Variants in RYR2 observed in about 807,000 individuals in gnomAD.
RYR2 encodes the protein ryanodine receptor 2.
Under a neutral mutation model 601.1 loss-of-function variants are expected in RYR2, and 227 were observed. The ratio of observed to expected loss-of-function variants is 0.38; its 90% CI spans 0.34 to 0.42. The LOEUF is 0.42. Among genes scored for constraint, RYR2 ranks in the 10% least tolerant of loss-of-function variants. RYR2 has a pLI of 1.00. For missense variants in RYR2, 4,646 were observed against 6,156.5 expected (o/e 0.75, Z 8.21); for synonymous variants, 2,223 against 2,175.1 (o/e 1.02, Z -0.61).
intron 1 of RYR2, among the ~76,000 whole-genome samples, chr1:237,111,415 C>G (rs1669452063): frequency 6.6e-6 from 1 of 152,110 alleles, no homozygotes; most frequent in South Asian, 2.1e-4. Flanking sequence ...TGGCGAAACC[C>G]TGTCTCTACC....
chr1:237,165,135 T>C (rs2148879466), intron 1 of RYR2, among the ~76,000 whole-genome samples: 1 of 152,200 alleles, frequency 6.6e-6, no homozygotes, highest in Non-Finnish European at 1.5e-5. Flanking sequence ...TAATTTTTTT[T>C]TTTGTAGAGA....
intron 1 of RYR2, among the ~76,000 whole-genome samples, chr1:237,123,700 G>A (rs914791266): frequency 8.6e-5 from 10 of 116,006 alleles, no homozygotes; most frequent in Admixed American, 1.3e-4. Flanking sequence ...TCGCTCTGTC[G>A]CCCAGGCCGG....
At chr1:237,140,038 T>A (rs1673215960) in intron 1 of RYR2, among the ~76,000 whole-genome samples, 2 of 152,206 alleles carry the variant, frequency 1.3e-5, no homozygotes, top group African/African-American at 4.8e-5. Context: ...CACATTTGAA[T>A]GTGTATGTTT....
chr1:237,447,464 T>C (rs766789987), intron 14 of RYR2, among the ~76,000 whole-genome samples: 5 of 152,228 alleles, frequency 3.3e-5, no homozygotes, highest in Non-Finnish European at 7.3e-5. Context: ...CACTTTCTGC[T>C]TTATTAAATC....
Position 237,660,024 on chromosome 1 carries a change from T to C in RYR2, c.8248T>C (p.Ser2750Pro), listed in dbSNP as rs547987180. ...GATTTATGGAGAAATATATTCAGAC[T>C]CTTCTAAGGTTCAGCCATTAATGAA... ...GWIYGEIYSD[S>P]SKVQPLMKPY... Residue 2750 changes from serine (S) to proline (P), a missense_variant, in exon 55 of 105, where the codon TCT (serine) becomes CCT (proline). Transcript: ENST00000366574. The C allele has an allele frequency of 6.3e-7, 1 of 1,588,984 alleles. No homozygotes were observed. Among genetic ancestry groups the C allele is most frequent in the Non-Finnish European group, 8.5e-7 (1 of 1,170,896 alleles).
chr1:237,188,453 G>A (rs1003975124), intron 1 of RYR2, among the ~76,000 whole-genome samples: 2 of 152,152 alleles, frequency 1.3e-5, no homozygotes, highest in Non-Finnish European at 2.9e-5. Context: ...TATAGAAAAT[G>A]GGGATAATAA....
At chr1:237,051,879 A>G (rs1661326246) in intron 1 of RYR2, among the ~76,000 whole-genome samples, 1 of 152,096 alleles carries the variant, frequency 6.6e-6, no homozygotes, top group Admixed American at 6.6e-5. Flanking sequence ...GGAGATGGAC[A>G]TATTTTAAAA....
chr1:237,308,546 GGTGA>G lies in RYR2; in HGVS notation c.169-22328_169-22325del, dbSNP rs201488727. On this transcript the variant is annotated intron_variant, in intron 2 of 104. Transcript: ENST00000366574. Reference sequence around the variant, plus strand: ...CAAGAATGAAGCCGCGGACCCTTGCGGTGAGTGTTACAGTTCTTAAAGGTGGTGT... The same window carrying G: ...CAAGAATGAAGCCGCGGACCCTTGCGGTGTTACAGTTCTTAAAGGTGGTGT... Among the ~76,000 whole-genome samples, 1,218 of 152,236 alleles carry G rather than the reference GGTGA, an allele frequency of 8.0e-3. 16 individuals carry two copies. The highest frequency in any genetic ancestry group is 0.027 in the African/African-American group (1,136 of 41,534).
At chr1:237,104,309 G>A (rs1257478834) in intron 1 of RYR2, among the ~76,000 whole-genome samples, 2 of 152,070 alleles carry the variant, frequency 1.3e-5, no homozygotes, top group Non-Finnish European at 2.9e-5. Context: ...CCTTTCATTA[G>A]GGCCCTGCCA....
At chr1:237,540,766 A>G (rs992254358) in intron 25 of RYR2, among the ~76,000 whole-genome samples, 6 of 151,812 alleles carry the variant, frequency 4.0e-5, no homozygotes, top group African/African-American at 1.5e-4. Flanking sequence ...TTCTAAAACT[A>G]CTGCTAGGTT....
intron 4 of RYR2, among the ~76,000 whole-genome samples, chr1:237,357,708 A>G (rs1699420828): frequency 6.6e-6 from 1 of 152,186 alleles, no homozygotes; most frequent in African/African-American, 2.4e-5. Flanking sequence ...TTTCTGAGCT[A>G]AAAACCTTGA....
At chr1:237,380,779 A>G (rs1701439261) in intron 8 of RYR2, among the ~76,000 whole-genome samples, 1 of 151,680 alleles carries the variant, frequency 6.6e-6, no homozygotes, top group Non-Finnish European at 1.5e-5. Flanking sequence ...TGTCTCTACT[A>G]AAAAATACAA....
chr1:237,059,230 G>A (rs9428652), intron 1 of RYR2, among the ~76,000 whole-genome samples: 149,808 of 152,276 alleles, frequency 0.98, 73,724 homozygotes, highest in Middle Eastern at 1. Context: ...ATGCCTTACT[G>A]GGATACAGAA....
At chr1:237,640,350 G>T (rs920024949) in intron 46 of RYR2, among the ~76,000 whole-genome samples, 4 of 152,200 alleles carry the variant, frequency 2.6e-5, no homozygotes, top group African/African-American at 9.7e-5. Context: ...GCAGAGATGG[G>T]GAGGGAGATA....
chr1:237,632,718 A>G (rs1394345334), intron 42 of RYR2, among the ~76,000 whole-genome samples: 2 of 152,036 alleles, frequency 1.3e-5, no homozygotes, highest in Non-Finnish European at 2.9e-5. Flanking sequence ...TTAAGTGACC[A>G]CAACTTAATG....
chr1:237,178,338 G>A (rs1164109131), intron 1 of RYR2, among the ~76,000 whole-genome samples: 1 of 151,302 alleles, frequency 6.6e-6, no homozygotes, highest in East Asian at 1.9e-4. Flanking sequence ...TCTTATAGTA[G>A]GAGAATTTGT....
chr1:237,230,524 A>C (rs1334860097), intron 1 of RYR2, among the ~76,000 whole-genome samples: 2 of 152,224 alleles, frequency 1.3e-5, no homozygotes, highest in Admixed American at 6.5e-5. Context: ...TCTGTTTTTC[A>C]AGAAACTAGG....
chr1:237,628,120 G>A (rs767050183), intron 41 of RYR2, 40 bp downstream of exon 41: 1 of 1,599,272 alleles, frequency 6.3e-7, no homozygotes, highest in East Asian at 2.2e-5. Context: ...TCTCGTAAAT[G>A]TTTTCTAATT....
At chr1:237,375,596 G>T (rs1558708714) in intron 7 of RYR2, among the ~76,000 whole-genome samples, 1 of 152,102 alleles carries the variant, frequency 6.6e-6, no homozygotes. Context: ...ACAAAAAGGT[G>T]AAAACAAAGC....
Sources: allele counts gnomAD v4.1 joint callset (sites outside exome capture counted in the v4.1 genomes callset), GRCh38; gene constraint gnomAD v4.1.1; transcripts MANE v1.5; gene names NCBI Gene and HGNC (gene_info 2026-07-23, HGNC 2026-07-21).